HTR1E: variants seen among roughly 807,000 people sequenced by gnomAD.
HTR1E encodes the protein 5-HT-1E.
Under a neutral mutation model 3.4 loss-of-function variants are expected in HTR1E, and 3 were observed. The observed-to-expected ratio is 0.89, with a 90% confidence interval of 0.41 to 2.31. The LOEUF is 2.31. Ranked by LOEUF, HTR1E falls within the 30% of genes most tolerant of loss-of-function variation. The pLI is 0.05. For missense variants in HTR1E, 392 were observed against 467.0 expected, an observed-to-expected ratio of 0.84 and a Z score of 1.48; for synonymous variants, 170 against 182.8, an observed-to-expected ratio of 0.93 and a Z score of 0.56.
intron 1 of HTR1E, among the ~76,000 whole-genome samples, chr6:87,014,889 C>G (rs1768294441): frequency 6.6e-6 from 1 of 151,988 alleles, no homozygotes. Flanking sequence ...ACCACCATGG[C>G]ACATGTATAC....
chr6:86,979,533 T>C (rs1767682805), intron 1 of HTR1E, among the ~76,000 whole-genome samples: 2 of 152,176 alleles, frequency 1.3e-5, no homozygotes, highest in African/African-American at 2.4e-5. Context: ...CTCTTGGATA[T>C]GGCAAAGTGG....
At chr6:86,988,335 G>C (rs1450307754) in intron 1 of HTR1E, among the ~76,000 whole-genome samples, 2 of 152,116 alleles carry the variant, frequency 1.3e-5, no homozygotes, top group Admixed American at 6.5e-5. Flanking sequence ...TACCCTATTT[G>C]TAAGCTAACA....
At position 87,015,434 on chromosome 6, in the gene HTR1E, A is replaced by G. The variant is rs1338167369; in HGVS notation, c.100A>G (p.Thr34Ala). The change falls in exon 2 of 2, where the codon ACC becomes GCC. Residue 34 changes from threonine to alanine, a missense_variant. By Grantham distance (58) the Thr-to-Ala change is moderately conservative (BLOSUM62 0). Transcript: ENST00000305344. ...TTGCATGACTCTGGTGGTCATCACC[A>G]CCCTCACCACGTTGCTGAACTTGGC... ...LICMTLVVITTLTTLLNLAVI... is the reference protein window; with the variant it reads ...LICMTLVVITALTTLLNLAVI... 1.2e-6 allele frequency: 2 copies of G among 1,613,834 alleles called. No homozygotes were observed. Among genetic ancestry groups the G allele is most frequent in the Admixed American group, 1.7e-5 (1 of 59,986 alleles).
chr6:86,944,565 TC>T (rs1382803794), intron 1 of HTR1E, among the ~76,000 whole-genome samples: 1 of 152,196 alleles, frequency 6.6e-6, no homozygotes, highest in Non-Finnish European at 1.5e-5. Flanking sequence ...GAACAGCAAA[TC>T]AATGATTAAG....
intron 1 of HTR1E, among the ~76,000 whole-genome samples, chr6:86,948,045 C>T (rs374694472): frequency 2.0e-5 from 3 of 152,072 alleles, no homozygotes; most frequent in Non-Finnish European, 4.4e-5. Flanking sequence ...CCCTCCACCC[C>T]GCGACAGGCC....
intron 1 of HTR1E, among the ~76,000 whole-genome samples, chr6:86,988,356 C>T (rs780577950): frequency 5.9e-5 from 9 of 152,064 alleles, no homozygotes; most frequent in Non-Finnish European, 8.8e-5. Flanking sequence ...AATTAGCATG[C>T]CAATTTCATG....
chr6:86,967,598 G>A (rs188433923), intron 1 of HTR1E, among the ~76,000 whole-genome samples: 29 of 152,244 alleles, frequency 1.9e-4, no homozygotes, highest in East Asian at 3.8e-4. Context: ...TTACTCTGAC[G>A]AGGACAGATT....
intron 1 of HTR1E, among the ~76,000 whole-genome samples, chr6:87,003,900 A>T (rs1284447956): frequency 6.6e-6 from 1 of 152,224 alleles, no homozygotes; most frequent in Admixed American, 6.5e-5. Flanking sequence ...GAAGATCCAA[A>T]TAACATCAGA....
intron 1 of HTR1E, among the ~76,000 whole-genome samples, chr6:86,957,790 G>A (rs552504801): frequency 7.9e-5 from 12 of 152,312 alleles, no homozygotes; most frequent in African/African-American, 2.9e-4. Flanking sequence ...AAAGGGCACA[G>A]TAAAGTAAAA....
intron 1 of HTR1E, among the ~76,000 whole-genome samples, chr6:86,983,237 A>G (rs1767737932): frequency 6.6e-6 from 1 of 152,190 alleles, no homozygotes. Context: ...AAATCCCAGA[A>G]AGAAAATTCT....
rs762490986 is a variant in HTR1E, at chr6:87,015,535, G to A, written c.201G>A (p.Thr67=). 1.7e-5 allele frequency: 28 copies of A among 1,611,934 alleles called. No homozygotes were observed. The highest frequency in any genetic ancestry group is 9.4e-5 in the African/African-American group (7 of 74,764). Residue 67 remains threonine, a synonymous_variant, in exon 2 of 2, where the codon ACG becomes ACA. Coordinates refer to ENST00000305344, the MANE Select transcript of HTR1E (RefSeq NM_000865.3). ...ACCTAATCTGTTCTCTGGCCGTGAC[G>A]GACCTCCTGGTGGCAGTGCTCGTCA... ...ANYLICSLAV[T]DLLVAVLVMP... is the part of the protein sequence containing the mutation.
At chr6:86,970,708 C>A in intron 1 of HTR1E, 1 of 179,638 alleles carries the variant, frequency 5.6e-6, no homozygotes, top group South Asian at 1.3e-4. Context: ...CTGCAGAATC[C>A]AAACTGGCAT....
At chr6:86,964,369 T>C (rs76659294) in intron 1 of HTR1E, among the ~76,000 whole-genome samples, 7,680 of 152,326 alleles carry the variant, frequency 0.05, 210 homozygotes, top group Middle Eastern at 0.071. Context: ...GTTGTGGCTA[T>C]ATTTAGTAAG....
chr6:87,013,656 AT>A (rs1768271324), intron 1 of HTR1E, among the ~76,000 whole-genome samples: 1 of 148,160 alleles, frequency 6.7e-6, no homozygotes, highest in African/African-American at 2.6e-5. Flanking sequence ...ATGAATATAT[AT>A]TTTCAAATGT....
At chr6:86,945,911 G>A (rs533584362) in intron 1 of HTR1E, among the ~76,000 whole-genome samples, 3 of 151,934 alleles carry the variant, frequency 2.0e-5, no homozygotes, top group Non-Finnish European at 4.4e-5. Context: ...GCTAAATTTT[G>A]TATTTTTAGT....
chr6:86,940,208 CCCA>C (rs763047965), intron 1 of HTR1E, among the ~76,000 whole-genome samples: 1 of 151,934 alleles, frequency 6.6e-6, no homozygotes, highest in Non-Finnish European at 1.5e-5. Context: ...ATATGCTACC[CCCA>C]CCACCACCAA....
At chr6:86,993,913 G>C (rs893223980) in intron 1 of HTR1E, among the ~76,000 whole-genome samples, 26 of 151,996 alleles carry the variant, frequency 1.7e-4, no homozygotes, top group Non-Finnish European at 3.2e-4. Flanking sequence ...TAAAATAACA[G>C]AAAATCTTGT....
At chr6:86,946,329 G>C (rs991530513) in intron 1 of HTR1E, among the ~76,000 whole-genome samples, 1 of 152,092 alleles carries the variant, frequency 6.6e-6, no homozygotes, top group African/African-American at 2.4e-5. Flanking sequence ...TCTACGTTTA[G>C]ATACACAAAT....
intron 1 of HTR1E, among the ~76,000 whole-genome samples, chr6:87,014,208 A>G (rs1768281809): frequency 6.6e-6 from 1 of 151,690 alleles, no homozygotes; most frequent in African/African-American, 2.4e-5. Context: ...ATGTATACAT[A>G]TGTAACAAAC....
Sources: gnomAD v4.1 joint callset for allele counts (sites outside exome capture counted in the v4.1 genomes callset) on GRCh38, gnomAD v4.1.1 for gene constraint, MANE v1.5 for transcripts, NCBI Gene and HGNC (gene_info 2026-07-23, HGNC 2026-07-21) for gene names.